Variants in ZC3H12B observed in about 807,000 individuals in gnomAD.
ZC3H12B encodes the protein probable ribonuclease ZC3H12B.
ZC3H12B carries 7 observed loss-of-function variants against 43.9 expected under a neutral mutation model. That is an observed-to-expected ratio of 0.16 (90% CI 0.09 to 0.30). The LOEUF is 0.30. ZC3H12B is among the 10% of genes least tolerant of loss of function. The pLI, the probability that ZC3H12B is intolerant of heterozygous loss-of-function variation, is 1.00. For synonymous variants in ZC3H12B, 222 were observed against 241.7 expected, an observed-to-expected ratio of 0.92 and a Z score of 0.76; for missense variants, 475 against 670.2, an observed-to-expected ratio of 0.71 and a Z score of 3.22.
the ZC3H12B span, among the ~76,000 whole-genome samples, chrX:65,339,566 C>T: frequency 2.9e-4 from 33 of 111,870 alleles, no homozygotes; most frequent in African/African-American, 1.1e-3. Context: ...TCCTCCTAGG[C>T]TCAATTTGCT....
At chrX:65,186,607 G>C in the ZC3H12B span, 1 of 106,706 alleles carries the variant, frequency 9.4e-6, no homozygotes, top group East Asian at 2.9e-4. Flanking sequence ...CTTTATTGTT[G>C]ATTTCTGAGA....
At chrX:65,037,735 A>C in the ZC3H12B span, among the ~76,000 whole-genome samples, 2 of 111,049 alleles carry the variant, frequency 1.8e-5, no homozygotes, top group Non-Finnish European at 3.8e-5. Flanking sequence ...TGCTCCAAAG[A>C]CTATTTCTTG....
chrX:65,056,196 A>T, the ZC3H12B span, among the ~76,000 whole-genome samples: 1 of 111,438 alleles, frequency 9.0e-6, no homozygotes, highest in East Asian at 2.8e-4. Context: ...TGTCAATTTT[A>T]GATCTTTCCT....
chrX:65,178,420 A>T, the ZC3H12B span, among the ~76,000 whole-genome samples: 4 of 112,386 alleles, frequency 3.6e-5, no homozygotes, highest in Non-Finnish European at 7.5e-5. Flanking sequence ...AATGGGATCT[A>T]ATTAAACTAA....
At chrX:65,388,192 T>A (rs1174710430) in intron 2 of ZC3H12B, among the ~76,000 whole-genome samples, 2 of 111,981 alleles carry the variant, frequency 1.8e-5, no homozygotes, top group Non-Finnish European at 3.8e-5. Flanking sequence ...TGGCCTGCCT[T>A]GCTAGATTGG....
the ZC3H12B span, among the ~76,000 whole-genome samples, chrX:65,292,765 G>T: frequency 9.0e-6 from 1 of 110,874 alleles, no homozygotes; most frequent in East Asian, 2.8e-4. Flanking sequence ...TAGGAGGATT[G>T]CTTGAGCCCA....
At chrX:65,362,108 C>T (rs1451129656), upstream of ZC3H12B, among the ~76,000 whole-genome samples, 2 of 112,134 alleles carry the variant, frequency 1.8e-5, no homozygotes, top group African/African-American at 3.2e-5. Flanking sequence ...CCAGCAGCCA[C>T]TCCCAGAGTC....
the ZC3H12B span, among the ~76,000 whole-genome samples, chrX:65,348,714 A>G: frequency 9.1e-6 from 1 of 110,049 alleles, no homozygotes; most frequent in Non-Finnish European, 1.9e-5. Flanking sequence ...GCTGGAGTTG[A>G]AACCCTAATC....
intron 2 of ZC3H12B, among the ~76,000 whole-genome samples, chrX:65,381,537 A>C (rs1284474436): frequency 2.7e-5 from 3 of 111,648 alleles, no homozygotes; most frequent in East Asian, 2.8e-4. Flanking sequence ...CATCACAATT[A>C]AAAGAACTAG....
chrX:65,238,976 A>C, the ZC3H12B span, among the ~76,000 whole-genome samples: 1 of 111,122 alleles, frequency 9.0e-6, no homozygotes, highest in Non-Finnish European at 1.9e-5. Flanking sequence ...GGGTTTTTTT[A>C]TTTGCTGAGG....
At chrX:65,214,472 A>G in the ZC3H12B span, among the ~76,000 whole-genome samples, 1 of 111,663 alleles carries the variant, frequency 9.0e-6, no homozygotes, top group East Asian at 2.8e-4. Context: ...TTTTACCAGG[A>G]GTAGATTCCA....
the ZC3H12B span, among the ~76,000 whole-genome samples, chrX:65,122,117 T>C: frequency 2.3e-4 from 26 of 111,439 alleles, no homozygotes; most frequent in Non-Finnish European, 3.2e-4. Context: ...GAAGAATGTA[T>C]ATCCTGTTGA....
chrX:65,376,351 G>A (rs2066346179), intron 2 of ZC3H12B, among the ~76,000 whole-genome samples: 1 of 112,108 alleles, frequency 8.9e-6, no homozygotes, highest in African/African-American at 3.2e-5. Flanking sequence ...GAAACTTGCT[G>A]CCCTGAAGGG....
the ZC3H12B span, among the ~76,000 whole-genome samples, chrX:65,301,016 G>A: frequency 9.1e-6 from 1 of 109,831 alleles, no homozygotes; most frequent in African/African-American, 3.3e-5. Context: ...CAAAAAGTGG[G>A]CTAAGGACAT....
At chrX:65,042,102 G>A in the ZC3H12B span, among the ~76,000 whole-genome samples, 1 of 112,438 alleles carries the variant, frequency 8.9e-6, no homozygotes, top group African/African-American at 3.2e-5. Flanking sequence ...ATGATAATTT[G>A]CCTCTATTGT....
At chrX:65,429,279 G>C (rs1454495003) in intron 3 of ZC3H12B, among the ~76,000 whole-genome samples, 1 of 112,727 alleles carries the variant, frequency 8.9e-6, no homozygotes, top group Non-Finnish European at 1.9e-5. Flanking sequence ...TTTGGGTAGA[G>C]CAGGCATGCT....
intron 3 of ZC3H12B, among the ~76,000 whole-genome samples, chrX:65,413,284 C>T (rs1329594841): frequency 8.9e-6 from 1 of 111,842 alleles, no homozygotes; most frequent in Non-Finnish European, 1.9e-5. Context: ...CGTTAAAGTA[C>T]AAAAGGTTTT....
the ZC3H12B span, chrX:65,273,046 ACTGTT>A: frequency 8.9e-6 from 1 of 112,200 alleles, no homozygotes; most frequent in African/African-American, 3.2e-5. Context: ...ACACTGGCTG[ACTGTT>A]CTGTTATGGC....
intron 3 of ZC3H12B, among the ~76,000 whole-genome samples, chrX:65,403,397 G>T (rs1319418029): frequency 1.8e-5 from 2 of 110,849 alleles, no homozygotes; most frequent in African/African-American, 6.6e-5. Context: ...AAGAGATAGG[G>T]GTACAAAGTT....
Sources: allele counts gnomAD v4.1 joint callset (sites outside exome capture counted in the v4.1 genomes callset), GRCh38; gene constraint gnomAD v4.1.1; transcripts MANE v1.5; gene names NCBI Gene and HGNC (gene_info 2026-07-23, HGNC 2026-07-21).